SPATS2L: variants seen among roughly 807,000 people sequenced by gnomAD.
SPATS2L encodes spermatogenesis associated serine rich 2 like, also known as SPATS2-like protein.
In SPATS2L, 30 loss-of-function variants were observed where a neutral mutation model predicts 59.6. The ratio of observed to expected loss-of-function variants is 0.50; its 90% CI spans 0.38 to 0.68. SPATS2L has a LOEUF of 0.68. SPATS2L is among the 30% of genes least tolerant of loss of function. The pLI, the probability that SPATS2L is intolerant of heterozygous loss-of-function variation, is 0.00. For synonymous variants in SPATS2L, 252 were observed against 263.5 expected, an observed-to-expected ratio of 0.96 and a Z score of 0.42; for missense variants, 615 against 700.0, an observed-to-expected ratio of 0.88 and a Z score of 1.37.
rs561085453 is a variant in SPATS2L at position 200,329,124 on chromosome 2, G to T, written c.-72-307G>T. Among the ~76,000 whole-genome samples, 5 of 152,336 alleles carry T rather than the reference G, an allele frequency of 3.3e-5. No homozygotes were observed. In the South Asian group the frequency reaches 1.0e-3, roughly 32 times the overall value. ...AAGCAGGCAATAAATGTTAGCTGTT[G>T]TTGGTGTATTTCACTATTATATGTT... On this transcript the variant is annotated intron_variant, in intron 1 of 12. Coordinates refer to ENST00000409140, the MANE Select transcript of SPATS2L (RefSeq NM_001100423.2).
intron 3 of SPATS2L, among the ~76,000 whole-genome samples, chr2:200,407,327 G>T (rs560831410): frequency 2.2e-4 from 34 of 152,264 alleles, no homozygotes; most frequent in Non-Finnish European, 3.5e-4. Flanking sequence ...TAACTCCAGC[G>T]CTCCTTCCAT....
At chr2:200,473,114 AG>A in intron 12 of SPATS2L, 62 bp downstream of exon 12, 2 of 1,455,248 alleles carry the variant, frequency 1.4e-6, no homozygotes, top group Non-Finnish European at 1.8e-6. Flanking sequence ...TTCCAGAGGA[AG>A]AAAACAGCAA....
At chr2:200,312,717 G>A (rs2079232818) in intron 1 of SPATS2L, among the ~76,000 whole-genome samples, 1 of 152,236 alleles carries the variant, frequency 6.6e-6, no homozygotes, top group Admixed American at 6.5e-5. Context: ...AGCCCAGGCA[G>A]TTTGCGGGCA....
intron 7 of SPATS2L, among the ~76,000 whole-genome samples, chr2:200,439,534 C>T (rs1265087002): frequency 6.6e-6 from 1 of 152,142 alleles, no homozygotes; most frequent in Non-Finnish European, 1.5e-5. Flanking sequence ...AATAGAATTA[C>T]ATCTCCTTTC....
chr2:200,349,415 C>T (rs993771092), intron 2 of SPATS2L, among the ~76,000 whole-genome samples: 2 of 152,152 alleles, frequency 1.3e-5, no homozygotes, highest in Non-Finnish European at 2.9e-5. Flanking sequence ...GCAGGTGGAT[C>T]GTTTGAGGTC....
At chr2:200,437,453 T>C (rs1424946843) in intron 6 of SPATS2L, among the ~76,000 whole-genome samples, 1 of 152,148 alleles carries the variant, frequency 6.6e-6, no homozygotes, top group Non-Finnish European at 1.5e-5. Context: ...AACTGGAATC[T>C]CTAGAAATGG....
intron 6 of SPATS2L, among the ~76,000 whole-genome samples, chr2:200,431,305 T>C (rs1043818229): frequency 2.0e-5 from 3 of 152,232 alleles, no homozygotes; most frequent in South Asian, 2.1e-4. Context: ...AAAGATCAAT[T>C]ACCAAAGAAC....
chr2:200,311,848 ATCT>A (rs1193244340), intron 1 of SPATS2L, among the ~76,000 whole-genome samples: 2 of 152,188 alleles, frequency 1.3e-5, no homozygotes, highest in Non-Finnish European at 2.9e-5. Context: ...AGTGGAGGGA[ATCT>A]TCTTAGAATG....
chr2:200,363,508 T>C (rs2081175923), intron 2 of SPATS2L, among the ~76,000 whole-genome samples: 1 of 152,240 alleles, frequency 6.6e-6, no homozygotes. Context: ...CAGATTTTGT[T>C]TCTGGCTTTT....
intron 6 of SPATS2L, 84 bp from the exon 7 acceptor site, chr2:200,439,038 C>T: frequency 8.2e-7 from 1 of 1,220,370 alleles, no homozygotes; most frequent in East Asian, 2.4e-5. Flanking sequence ...TAAACAAAAA[C>T]AAAAATCTTG....
intron 8 of SPATS2L, among the ~76,000 whole-genome samples, chr2:200,453,640 C>G (rs1456738531): frequency 6.6e-6 from 1 of 152,200 alleles, no homozygotes; most frequent in African/African-American, 2.4e-5. Context: ...CTTGCCAGCT[C>G]AAGGCCCACG....
At chr2:200,453,509 A>G (rs1212334574) in intron 8 of SPATS2L, among the ~76,000 whole-genome samples, 6 of 152,222 alleles carry the variant, frequency 3.9e-5, no homozygotes, top group Non-Finnish European at 1.5e-5. Flanking sequence ...AATGGTACTC[A>G]TGGGAACAGT....
chr2:200,420,995 C>T (rs1017365269), intron 6 of SPATS2L, among the ~76,000 whole-genome samples: 4 of 152,156 alleles, frequency 2.6e-5, no homozygotes, highest in Non-Finnish European at 5.9e-5. Context: ...AATCACTACA[C>T]TAGTTGACCC....
chr2:200,411,010 CATACATATATATATATAT>C (rs1051776197), intron 3 of SPATS2L, among the ~76,000 whole-genome samples: 19 of 147,660 alleles, frequency 1.3e-4, no homozygotes, highest in African/African-American at 4.3e-4. Flanking sequence ...GACTCACACA[CATACATATATATATATAT>C]ATACATATAT....
chr2:200,453,686 G>C (rs549958945), intron 8 of SPATS2L, among the ~76,000 whole-genome samples: 1 of 152,338 alleles, frequency 6.6e-6, no homozygotes, highest in South Asian at 2.1e-4. Flanking sequence ...TATCAGCCCA[G>C]CTGACATCCC....
intron 9 of SPATS2L, among the ~76,000 whole-genome samples, chr2:200,462,916 A>G (rs1278383495): frequency 6.6e-6 from 1 of 151,798 alleles, no homozygotes; most frequent in Admixed American, 6.6e-5. Flanking sequence ...ACGGAGAGAG[A>G]CCCTGTATTA....
At chr2:200,329,245 A>G (rs2079855590) in intron 1 of SPATS2L, among the ~76,000 whole-genome samples, 186 bp from the exon 2 acceptor site, 3 of 152,228 alleles carry the variant, frequency 2.0e-5, no homozygotes, top group African/African-American at 4.8e-5. Flanking sequence ...ACAGTTGAAT[A>G]AACTGAGGCA....
intron 1 of SPATS2L, among the ~76,000 whole-genome samples, chr2:200,312,469 A>G (rs1460797698): frequency 6.6e-6 from 1 of 152,250 alleles, no homozygotes; most frequent in Non-Finnish European, 1.5e-5. Context: ...TTTTGGGTCA[A>G]TAGATGGAAA....
intron 1 of SPATS2L, among the ~76,000 whole-genome samples, chr2:200,318,892 C>T (rs1477603092): frequency 6.6e-6 from 1 of 152,182 alleles, no homozygotes; most frequent in African/African-American, 2.4e-5. Flanking sequence ...TTTATGAAGC[C>T]AAATAATGCT....
Sources: allele counts gnomAD v4.1 joint callset (sites outside exome capture counted in the v4.1 genomes callset), GRCh38; gene constraint gnomAD v4.1.1; transcripts MANE v1.5; gene names NCBI Gene and HGNC (gene_info 2026-07-23, HGNC 2026-07-21).